RAB40B: variants seen among roughly 807,000 people sequenced by gnomAD.
The protein encoded by RAB40B is RAB40B, member RAS oncogene family.
Under a neutral mutation model 24.0 loss-of-function variants are expected in RAB40B, and 21 were observed. The observed-to-expected ratio is 0.88, with a 90% CI of 0.62 to 1.26. The LOEUF is 1.26. RAB40B is among the 50% of genes most tolerant of loss of function. RAB40B has a pLI of 0.00. For missense variants in RAB40B, 348 were observed against 390.5 expected (o/e 0.89, Z 0.92); for synonymous variants, 167 against 169.8 (o/e 0.98, Z 0.13).
chr17:82,696,856 A>G (rs1244179712), intron 1 of RAB40B: 1 of 154,752 alleles, frequency 6.5e-6, no homozygotes, highest in African/African-American at 2.4e-5. Context: ...CGAACTATCT[A>G]GAAATGTGAC....
intron 1 of RAB40B, among the ~76,000 whole-genome samples, chr17:82,679,077 G>C (rs1203847175): frequency 6.6e-6 from 1 of 150,456 alleles, no homozygotes; most frequent in Non-Finnish European, 1.5e-5. Flanking sequence ...TAGAGACGGG[G>C]TTTCACCGTG....
chr17:82,660,143 A>G (rs1462231392), intron 3 of RAB40B, among the ~76,000 whole-genome samples: 2 of 152,052 alleles, frequency 1.3e-5, no homozygotes, highest in East Asian at 1.9e-4. Context: ...ACGTGTACTC[A>G]TGCACAGACG....
intron 1 of RAB40B, among the ~76,000 whole-genome samples, chr17:82,676,586 C>T (rs1045013683): frequency 7.9e-5 from 12 of 152,080 alleles, no homozygotes; most frequent in African/African-American, 2.2e-4. Flanking sequence ...GGCTTACCCC[C>T]GCCAGTTTGA....
At chr17:82,658,781 G>A in intron 4 of RAB40B, 68 bp from the exon 5 acceptor site, 2 of 1,423,994 alleles carry the variant, frequency 1.4e-6, no homozygotes, top group Non-Finnish European at 9.5e-7. Context: ...TCGTAATGTG[G>A]GTGCTCTGGG....
In RAB40B at chr17:82,657,922, C is replaced by G. The variant is rs777025532; in HGVS notation, c.778G>C (p.Val260Leu). ...TTGGGGGGGCTCTGGGGGGGGCGGA[C>G]GAGCTTCACTTTGCGGAGGCTGCTC... ...KRSSLRKVKL[V>L]RPPQSPPKNC... The change falls in exon 6 of 6, where the codon GTC (valine) becomes CTC (leucine). Residue 260 changes from valine to leucine, a missense_variant. Val to Leu is a conservative substitution (Grantham distance 32, BLOSUM62 1). Around this residue, in one of 3 missense-constraint regions of RAB40B, gnomAD observed 121 missense variants for 124.0 expected, o/e 0.98. Transcript: ENST00000571995. The G allele has an allele frequency of 6.2e-7, 1 of 1,613,594 alleles. No homozygotes were observed. Among genetic ancestry groups the G allele is most frequent in the Non-Finnish European group, 8.5e-7 (1 of 1,179,872 alleles).
At chr17:82,686,852 G>A (rs138853791) in intron 1 of RAB40B, among the ~76,000 whole-genome samples, 174 of 152,160 alleles carry the variant, frequency 1.1e-3, no homozygotes, top group African/African-American at 3.9e-3. Flanking sequence ...CGTTCCTCCC[G>A]TCCAGTGCTG....
chr17:82,690,790 A>G (rs2459718), intron 1 of RAB40B, among the ~76,000 whole-genome samples: 9,904 of 21,950 alleles, frequency 0.45, 2,148 homozygotes, highest in East Asian at 0.65. Context: ...GAGGGAGATG[A>G]AGTGTGCATG....
chr17:82,664,652 C>T, intron 1 of RAB40B, 96 bp from the exon 2 acceptor site: 3 of 1,216,130 alleles, frequency 2.5e-6, no homozygotes, highest in Admixed American at 2.0e-5. Context: ...CTCATCAGTG[C>T]AACTTCCAGG....
chr17:82,661,851 C>G (rs900914420), intron 2 of RAB40B: 38 of 912,124 alleles, frequency 4.2e-5, no homozygotes, highest in Non-Finnish European at 4.8e-5. Context: ...CGTGCCACTG[C>G]ACTCCAGCCT....
At chr17:82,695,495 C>G (rs967971037) in intron 1 of RAB40B, among the ~76,000 whole-genome samples, 17 of 150,694 alleles carry the variant, frequency 1.1e-4, no homozygotes, top group African/African-American at 4.2e-4. Context: ...CGGCTGCCCT[C>G]ACCTTTCAAT....
Position 82,658,296 on chromosome 17 carries a change from G to A in RAB40B, c.566-162C>T, listed in dbSNP as rs574157495. 5.5e-5 allele frequency: 61 copies of A among 1,113,138 alleles called. No homozygotes were observed. The African/African-American group carries it at 5.8e-4, about 11-fold the overall frequency. The allele number at this position is 1,113,138 out of a possible 1,614,324, so 69.0% of individuals were successfully genotyped here. ...CTGCCGCGACGTCCCCTCTGCCCAC[G>A]TACAGATCCCAGGAGCTCCCTCATG... is the stretch of plus-strand genomic sequence containing the variant. On this transcript the variant is annotated intron_variant, in intron 5 of 5. Coordinates refer to ENST00000571995, the MANE Select transcript of RAB40B (RefSeq NM_006822.3).
chr17:82,657,763 C>T lies in RAB40B; in HGVS notation c.*100G>A, dbSNP rs1257247030. ...GTCGCACACATTCGCAAGCAGCATT[C>T]GCCGAGAGGAACCGGGATCTGAGAT... is the stretch of plus-strand genomic sequence containing the variant. On this transcript the variant is annotated 3_prime_UTR_variant, in exon 6 of 6. Transcript: ENST00000571995. 8.6e-6 allele frequency: 12 copies of T among 1,400,660 alleles called. No individual in the cohort carries two copies. In the Admixed American group the frequency reaches 1.3e-4, roughly 16 times the overall value. 86.8% of individuals were successfully genotyped at this position (1,400,660 alleles called of 1,614,324 possible). A position where few individuals can be genotyped will look rare whatever the true frequency, so the allele number is the denominator to read the frequency against.
At position 82,663,753 on chromosome 17, in the gene RAB40B, G is replaced by A. The variant is rs2046206520; in HGVS notation, c.203+743C>T. Among the ~76,000 whole-genome samples the A allele has an allele frequency of 6.6e-6, 1 of 152,174 alleles. No homozygotes were observed. Among genetic ancestry groups the A allele is most frequent in the Non-Finnish European group, 1.5e-5 (1 of 68,012 alleles). On this transcript the variant is annotated intron_variant, in intron 2 of 5. Coordinates refer to ENST00000571995, the MANE Select transcript of RAB40B (RefSeq NM_006822.3). This position sits in a 1 kb window ranked among gnomAD's most constrained non-coding sequence, Gnocchi z 6.2. ...CACTGAGCCAGGCGTGGGGGACCCA[G>A]GAGCCCCGGGCTGCCTCAACCACGC... is the stretch of plus-strand genomic sequence containing the variant.
intron 2 of RAB40B, chr17:82,662,225 T>C (rs1343521228): frequency 3.2e-5 from 32 of 985,230 alleles, no homozygotes; most frequent in Non-Finnish European, 3.7e-5. Flanking sequence ...AGCCTAGGAG[T>C]GAGTGCCTCA....
At chr17:82,669,727 CGG>C (rs1180196753) in intron 1 of RAB40B, among the ~76,000 whole-genome samples, 1 of 152,166 alleles carries the variant, frequency 6.6e-6, no homozygotes, top group Non-Finnish European at 1.5e-5. Flanking sequence ...AGCCCCAGCG[CGG>C]GAGCTTCAGG....
At chr17:82,693,762 A>C (rs930864863) in intron 1 of RAB40B, among the ~76,000 whole-genome samples, 1 of 152,124 alleles carries the variant, frequency 6.6e-6, no homozygotes, top group Non-Finnish European at 1.5e-5. Context: ...TCTCTTTCAC[A>C]TAACGGGGGC....
intron 1 of RAB40B, among the ~76,000 whole-genome samples, chr17:82,665,375 CCT>C (rs1173820957): frequency 6.6e-6 from 1 of 152,100 alleles, no homozygotes; most frequent in Non-Finnish European, 1.5e-5. Context: ...ACCTCAGTCC[CCT>C]GAGTAGCCGG....
intron 1 of RAB40B, among the ~76,000 whole-genome samples, chr17:82,691,567 A>C (rs2046558141): frequency 6.6e-6 from 1 of 152,186 alleles, no homozygotes; most frequent in African/African-American, 2.4e-5. Context: ...CTGTAATCCC[A>C]GCTACTCGGG....
Position 82,657,643 on chromosome 17 carries a change from C to G in RAB40B, c.*220G>C, listed in dbSNP as rs762831280. 1.5e-6 allele frequency: 1 copy of G among 681,934 alleles called. No homozygotes were observed. The highest frequency in any genetic ancestry group is 2.9e-5 in the East Asian group (1 of 34,864). The allele number at this position is 681,934 out of a possible 1,614,324, so 42.2% of individuals were successfully genotyped here. ...AGAGTCGAGCAGAGTACTAATTTTC[C>G]CTTTACAAACACACATCGAAAACAA... On this transcript the variant is annotated 3_prime_UTR_variant, in exon 6 of 6. Transcript: ENST00000571995.
Sources: allele counts gnomAD v4.1 joint callset (sites outside exome capture counted in the v4.1 genomes callset), GRCh38; gene constraint gnomAD v4.1.1; regional missense constraint gnomAD v4.1.1; non-coding constraint Gnocchi (gnomAD v3.1); transcripts MANE v1.5; gene names NCBI Gene and HGNC (gene_info 2026-07-23, HGNC 2026-07-21).